The following SLC7A1 variants were observed in gnomAD, a reference collection of about 807,000 sequenced individuals.
SLC7A1 encodes high affinity cationic amino acid transporter 1.
In SLC7A1, 10 loss-of-function variants were observed where a neutral mutation model predicts 53.9. The observed-to-expected ratio is 0.19, with a 90% confidence interval of 0.11 to 0.31. SLC7A1 has a LOEUF of 0.31. Ranked by LOEUF, SLC7A1 falls within the 10% of genes least tolerant of loss-of-function variation. The pLI is 1.00. For missense variants in SLC7A1, 525 were observed against 827.2 expected (o/e 0.63, Z 4.48); for synonymous variants, 342 against 338.7 (o/e 1.01, Z -0.11).
At chr13:29,556,490 C>T (rs552337173) in intron 1 of SLC7A1, among the ~76,000 whole-genome samples, 11 of 152,206 alleles carry the variant, frequency 7.2e-5, no homozygotes, top group Admixed American at 4.6e-4. Flanking sequence ...GTGATTCTCC[C>T]ACATCAGCCC....
intron 1 of SLC7A1, among the ~76,000 whole-genome samples, chr13:29,574,895 C>T (rs745332004): frequency 2.6e-5 from 4 of 152,108 alleles, no homozygotes; most frequent in Non-Finnish European, 4.4e-5. Flanking sequence ...CCACCTGCCT[C>T]GGCCTCCCAA....
intron 1 of SLC7A1, among the ~76,000 whole-genome samples, chr13:29,557,213 T>C (rs1000187517): frequency 1.3e-5 from 2 of 152,214 alleles, no homozygotes; most frequent in Admixed American, 1.3e-4. Context: ...CAAGCAGCAT[T>C]CCAACACTAC....
chr13:29,557,682 G>A (rs1005204891), intron 1 of SLC7A1, among the ~76,000 whole-genome samples: 1 of 127,396 alleles, frequency 7.8e-6, no homozygotes, highest in African/African-American at 3.0e-5. Context: ...ATGAGGGAGA[G>A]TGAATATGAG....
chr13:29,524,379 C>G (rs1272917556), intron 5 of SLC7A1, 126 bp from the exon 6 acceptor site: 1 of 1,240,684 alleles, frequency 8.1e-7, no homozygotes, highest in African/African-American at 1.5e-5. Context: ...CTGCCAGGCC[C>G]TGGGCTTCAG....
intron 1 of SLC7A1, among the ~76,000 whole-genome samples, chr13:29,578,349 C>T (rs867961658): frequency 6.6e-5 from 10 of 152,210 alleles, no homozygotes; most frequent in Middle Eastern, 6.8e-3. Flanking sequence ...GCAAACCTTA[C>T]GTGAACTCAG....
intron 1 of SLC7A1, among the ~76,000 whole-genome samples, chr13:29,578,757 A>T (rs1476848349): frequency 1.3e-5 from 2 of 152,250 alleles, no homozygotes; most frequent in African/African-American, 4.8e-5. Context: ...CCAATGCTGG[A>T]AAAGTGATCC....
Position 29,512,087 on chromosome 13 carries a change from C to T in SLC7A1, c.*2393G>A, listed in dbSNP as rs1452332037. On this transcript the variant is annotated 3_prime_UTR_variant, in exon 13 of 13. Coordinates refer to ENST00000380752, the MANE Select transcript of SLC7A1 (RefSeq NM_003045.5). ...ACACCATTGCTTAAATCACTCCCCTCTCACACAGAGAGAAAACCCCTGGCA... is the reference window on the plus strand; with the variant it reads ...ACACCATTGCTTAAATCACTCCCCTTTCACACAGAGAGAAAACCCCTGGCA... The T allele has an allele frequency of 2.0e-5, 3 of 152,184 alleles. No homozygotes were observed. Among genetic ancestry groups the T allele is most frequent in the South Asian group, 2.1e-4 (1 of 4,818 alleles). The allele number at this position is 152,184 out of a possible 1,614,324, so 9.4% of individuals were successfully genotyped here.
chr13:29,582,301 C>T (rs78574074), intron 1 of SLC7A1, among the ~76,000 whole-genome samples: 23 of 152,182 alleles, frequency 1.5e-4, no homozygotes, highest in African/African-American at 2.2e-4. Flanking sequence ...CCAGAAGCCC[C>T]GCCTCTGCTG....
At chr13:29,522,683 C>T (rs1868683596) in intron 7 of SLC7A1, among the ~76,000 whole-genome samples, 1 of 152,200 alleles carries the variant, frequency 6.6e-6, no homozygotes, top group African/African-American at 2.4e-5. Flanking sequence ...GAATAGGGAA[C>T]ATCTATCTAA....
At chr13:29,518,395 G>GCC (rs1275025335) in intron 9 of SLC7A1, among the ~76,000 whole-genome samples, 1 of 152,216 alleles carries the variant, frequency 6.6e-6, no homozygotes, top group Non-Finnish European at 1.5e-5. Context: ...TGAATGAGGT[G>GCC]CCTTATCTTC....
intron 1 of SLC7A1, among the ~76,000 whole-genome samples, chr13:29,590,687 T>A (rs938380398): frequency 1.3e-5 from 2 of 152,126 alleles, no homozygotes; most frequent in African/African-American, 4.8e-5. Flanking sequence ...GAGGCCCGCA[T>A]CCCTCCTCCA....
rs1171916980 is a variant in SLC7A1, at chr13:29,511,886, T to C, written c.*2594A>G. On this transcript the variant is annotated 3_prime_UTR_variant, in exon 13 of 13. Coordinates refer to ENST00000380752, the MANE Select transcript of SLC7A1 (RefSeq NM_003045.5). Reference sequence around the variant, plus strand: ...GGGTGTGCCTCTAGTAATGTGTAAGTTCTGACTATGTAGGAAAATCCTGGC... The same window carrying C: ...GGGTGTGCCTCTAGTAATGTGTAAGCTCTGACTATGTAGGAAAATCCTGGC... 1 of 152,168 alleles carries C rather than the reference T, an allele frequency of 6.6e-6. No individual in the cohort carries two copies. Among genetic ancestry groups the C allele is most frequent in the Non-Finnish European group, 1.5e-5 (1 of 68,046 alleles). The allele number at this position is 152,168 out of a possible 1,614,324, so 9.4% of individuals were successfully genotyped here. A position where few individuals can be genotyped will look rare whatever the true frequency, so the allele number is the denominator to read the frequency against.
At chr13:29,578,479 A>T (rs1466087501) in intron 1 of SLC7A1, among the ~76,000 whole-genome samples, 1 of 152,128 alleles carries the variant, frequency 6.6e-6, no homozygotes, top group Non-Finnish European at 1.5e-5. Flanking sequence ...AGGCAAACCT[A>T]AAGGACCTTG....
rs143489916 is a variant in SLC7A1, at chr13:29,525,945, C to G, written c.705-1692G>C. Among the ~76,000 whole-genome samples the G allele has an allele frequency of 5.4e-3, 828 of 152,340 alleles. 7 individuals are homozygous for G. Among genetic ancestry groups the G allele is most frequent in the Middle Eastern group, 0.01 (3 of 294 alleles). On this transcript the variant is annotated intron_variant, in intron 5 of 12. Coordinates refer to ENST00000380752, the MANE Select transcript of SLC7A1 (RefSeq NM_003045.5). ...TCGCCTCTCAGGCCAGAGGCCCCGC[C>G]GGCCACCCACTCCCACCCTGGCAAA...
chr13:29,511,325 GAA>G lies in SLC7A1; in HGVS notation c.*3153_*3154del, dbSNP rs1883382503. 6.6e-6 allele frequency: 1 copy of G among 152,272 alleles called. No homozygotes were observed. Among genetic ancestry groups the G allele is most frequent in the Non-Finnish European group, 1.5e-5 (1 of 68,092 alleles). 9.4% of individuals were successfully genotyped at this position (152,272 alleles called of 1,614,324 possible). A position where few individuals can be genotyped will look rare whatever the true frequency, so the allele number is the denominator to read the frequency against. The stretch of plus-strand genomic sequence containing the variant: ...CTGAGAGAGAAAATAAGTCACAGTG[GAA>G]AGAGTTTTTACTGCTGCAAAAACCA... On this transcript the variant is annotated 3_prime_UTR_variant, in exon 13 of 13. Transcript: ENST00000380752.
chr13:29,564,349 T>A (rs1870881242), intron 1 of SLC7A1, among the ~76,000 whole-genome samples: 1 of 152,200 alleles, frequency 6.6e-6, no homozygotes, highest in South Asian at 2.1e-4. Context: ...TCTTCTTAAA[T>A]GAGTATGTAA....
At chr13:29,530,848 T>A (rs1206980429) in intron 4 of SLC7A1, 136 bp from the exon 5 acceptor site, 1 of 647,152 alleles carries the variant, frequency 1.5e-6, no homozygotes, top group Non-Finnish European at 2.6e-6. Context: ...TGTGAGCCTC[T>A]GGGAATGGGG....
At chr13:29,580,193 G>C (rs1188140203) in intron 1 of SLC7A1, among the ~76,000 whole-genome samples, 8 of 152,154 alleles carry the variant, frequency 5.3e-5, no homozygotes, top group Admixed American at 5.2e-4. Flanking sequence ...CCTGTGGGGT[G>C]AAGGTCTCTC....
Position 29,513,758 on chromosome 13 carries a change from C to G in SLC7A1, c.*722G>C, listed in dbSNP as rs1423423643. 6.6e-6 allele frequency: 1 copy of G among 152,494 alleles called. No homozygotes were observed. Among genetic ancestry groups the G allele is most frequent in the African/African-American group, 2.4e-5 (1 of 41,460 alleles). The allele number at this position is 152,494 out of a possible 1,614,324, so 9.4% of individuals were successfully genotyped here. Reference sequence around the variant, plus strand: ...GGTCCCTGGTTTACATGCATGTGCACACACATGCATAAGCAAAGCAGGCCC... The same window carrying G: ...GGTCCCTGGTTTACATGCATGTGCAGACACATGCATAAGCAAAGCAGGCCC... On this transcript the variant is annotated 3_prime_UTR_variant, in exon 13 of 13. Transcript: ENST00000380752.
Sources: allele counts gnomAD v4.1 joint callset (sites outside exome capture counted in the v4.1 genomes callset), GRCh38; gene constraint gnomAD v4.1.1; transcripts MANE v1.5; gene names NCBI Gene and HGNC (gene_info 2026-07-23, HGNC 2026-07-21).